Variants in ZFAT observed in about 807,000 individuals in gnomAD.
ZFAT encodes the protein zinc finger and AT-hook domain containing.
ZFAT carries 64 observed loss-of-function variants against 117.7 expected under a neutral mutation model. That is an observed-to-expected ratio of 0.54 (90% CI 0.44 to 0.67). The LOEUF is 0.67. Among genes scored for constraint, ZFAT ranks in the 30% least tolerant of loss-of-function variants. ZFAT has a pLI of 0.00. For missense variants in ZFAT, 1,433 were observed against 1,584.5 expected (o/e 0.90, Z 1.62); for synonymous variants, 679 against 615.0 (o/e 1.10, Z -1.54).
At chr8:134,782,861 T>A in the ZFAT span, among the ~76,000 whole-genome samples, 2 of 152,092 alleles carry the variant, frequency 1.3e-5, no homozygotes, top group Admixed American at 6.6e-5. Context: ...CCTGCATCTC[T>A]TTTTAAGAAA....
intron 11 of ZFAT, among the ~76,000 whole-genome samples, chr8:134,545,441 GCC>G (rs1169803938): frequency 6.6e-6 from 1 of 152,126 alleles, no homozygotes; most frequent in Non-Finnish European, 1.5e-5. Flanking sequence ...GATCCCTGGA[GCC>G]CAGGAGTTCA....
the ZFAT span, chr8:134,794,849 G>A: frequency 6.6e-6 from 1 of 152,210 alleles, no homozygotes; most frequent in Admixed American, 6.5e-5. Flanking sequence ...CACTGAGGGA[G>A]CTCACATGAG....
At chr8:134,662,930 G>T (rs1014377436) in intron 1 of ZFAT, among the ~76,000 whole-genome samples, 3 of 152,196 alleles carry the variant, frequency 2.0e-5, no homozygotes, top group Non-Finnish European at 4.4e-5. Context: ...TGGTTTTCGG[G>T]ACCAGCCCTA....
intron 10 of ZFAT, 59 bp from the exon 11 acceptor site, chr8:134,565,480 G>T: frequency 6.6e-7 from 1 of 1,506,632 alleles, no homozygotes. Context: ...CACTGTGAAT[G>T]AAGTGCCAGG....
intron 1 of ZFAT, among the ~76,000 whole-genome samples, chr8:134,697,097 GT>G (rs1009392958): frequency 9.9e-5 from 15 of 151,568 alleles, no homozygotes; most frequent in African/African-American, 3.6e-4. Context: ...GTTTTGGTTT[GT>G]TTTTGGTTTG....
intron 7 of ZFAT, chr8:134,597,925 C>A (rs1827089855): frequency 6.6e-6 from 1 of 152,270 alleles, no homozygotes; most frequent in African/African-American, 2.4e-5. Context: ...TGCTCTTCTC[C>A]TGCAGTTAGT....
chr8:134,788,636 G>A, the ZFAT span, among the ~76,000 whole-genome samples: 2 of 152,196 alleles, frequency 1.3e-5, no homozygotes, highest in African/African-American at 4.8e-5. Flanking sequence ...TTTGGGGGTA[G>A]GGTCCGGATA....
At chr8:134,727,906 A>G in the ZFAT span, among the ~76,000 whole-genome samples, 2 of 152,206 alleles carry the variant, frequency 1.3e-5, no homozygotes, top group South Asian at 2.1e-4. Context: ...TCTACTTATC[A>G]TAATGATAAA....
intron 3 of ZFAT, among the ~76,000 whole-genome samples, chr8:134,633,516 T>C (rs1283241210): frequency 6.6e-6 from 1 of 152,176 alleles, no homozygotes; most frequent in Non-Finnish European, 1.5e-5. Flanking sequence ...TAGAGACCAA[T>C]GAAGCAAAAT....
At chr8:134,663,067 G>T (rs911804610) in intron 1 of ZFAT, among the ~76,000 whole-genome samples, 5 of 152,232 alleles carry the variant, frequency 3.3e-5, no homozygotes, top group Non-Finnish European at 5.9e-5. Context: ...GGCCAAGAGC[G>T]CCAAAGACAC....
intron 15 of ZFAT, among the ~76,000 whole-genome samples, chr8:134,483,562 T>G (rs1817462895): frequency 6.6e-6 from 1 of 152,212 alleles, no homozygotes; most frequent in Non-Finnish European, 1.5e-5. Flanking sequence ...AAATTGTTCT[T>G]CACCACAGAA....
intron 12 of ZFAT, among the ~76,000 whole-genome samples, chr8:134,532,443 C>T (rs145107798): frequency 3.9e-4 from 60 of 152,226 alleles, no homozygotes; most frequent in African/African-American, 1.4e-3. Context: ...ATTAGGAAGA[C>T]AGTATATCAA....
intron 1 of ZFAT, among the ~76,000 whole-genome samples, chr8:134,680,723 A>T (rs991568274): frequency 2.0e-5 from 3 of 151,720 alleles, no homozygotes; most frequent in South Asian, 4.2e-4. Context: ...TTGGGATAAT[A>T]AAAAAAAAGT....
chr8:134,517,752 G>A (rs753163968), intron 13 of ZFAT, among the ~76,000 whole-genome samples: 1 of 152,146 alleles, frequency 6.6e-6, no homozygotes, highest in South Asian at 2.1e-4. Context: ...TATCTTTCAT[G>A]ACCTTGACGC....
At chr8:134,731,137 C>T in the ZFAT span, among the ~76,000 whole-genome samples, 1 of 152,244 alleles carries the variant, frequency 6.6e-6, no homozygotes, top group Admixed American at 6.5e-5. Context: ...AACCCTCAGA[C>T]ACTGCATGTG....
intron 3 of ZFAT, among the ~76,000 whole-genome samples, chr8:134,631,540 G>A (rs1412929652): frequency 1.3e-5 from 2 of 152,182 alleles, no homozygotes; most frequent in Admixed American, 1.3e-4. Context: ...TAAAAGGGGA[G>A]TTCTTTAAGC....
intron 3 of ZFAT, among the ~76,000 whole-genome samples, chr8:134,620,001 G>A (rs957412130): frequency 2.6e-5 from 4 of 152,138 alleles, no homozygotes; most frequent in African/African-American, 7.2e-5. Context: ...GGAACCAGCC[G>A]AACAGCTGGC....
chr8:134,499,214 A>G (rs1395314359), intron 15 of ZFAT, among the ~76,000 whole-genome samples: 1 of 130,610 alleles, frequency 7.7e-6, no homozygotes, highest in Non-Finnish European at 1.6e-5. Flanking sequence ...GTTGGGGTGG[A>G]GCTGGGATGC....
chr8:134,674,278 C>G (rs1238970941), intron 1 of ZFAT, among the ~76,000 whole-genome samples: 1 of 152,176 alleles, frequency 6.6e-6, no homozygotes, highest in Non-Finnish European at 1.5e-5. Flanking sequence ...AATCGGTAGA[C>G]CAGGAGATTT....
Sources: gnomAD v4.1 joint callset for allele counts (sites outside exome capture counted in the v4.1 genomes callset) on GRCh38, gnomAD v4.1.1 for gene constraint, MANE v1.5 for transcripts, NCBI Gene and HGNC (gene_info 2026-07-23, HGNC 2026-07-21) for gene names.